The following LYPLAL1 variants were observed in gnomAD, a reference collection of about 807,000 sequenced individuals.
LYPLAL1 encodes lysophospholipase like 1, also known as lysophospholipase-like protein 1.
In LYPLAL1, 23 loss-of-function variants were observed where a neutral mutation model predicts 19.7. That is an observed-to-expected ratio of 1.17 (90% CI 0.84 to 1.65). The LOEUF is 1.65. Ranked by LOEUF, LYPLAL1 falls within the 40% of genes most tolerant of loss-of-function variation. The probability of loss-of-function intolerance (pLI) is 0.00; values close to 1 mark genes in which losing one functional copy is unlikely to be tolerated. For synonymous variants in LYPLAL1, 119 were observed against 96.3 expected, an observed-to-expected ratio of 1.24 and a Z score of -1.38; for missense variants, 355 against 279.4, an observed-to-expected ratio of 1.27 and a Z score of -1.93.
the LYPLAL1 span, among the ~76,000 whole-genome samples, chr1:219,332,528 A>T: frequency 4.6e-5 from 7 of 152,092 alleles, no homozygotes; most frequent in Non-Finnish European, 8.8e-5. Flanking sequence ...GTAGTTTTAT[A>T]TGCAGCAATA....
At chr1:219,231,440 T>A in the LYPLAL1 span, among the ~76,000 whole-genome samples, 1 of 152,142 alleles carries the variant, frequency 6.6e-6, no homozygotes, top group Admixed American at 6.5e-5. Context: ...GAGTTTACCT[T>A]GATATATAAA....
chr1:219,239,684 C>T, the LYPLAL1 span, among the ~76,000 whole-genome samples: 1 of 152,160 alleles, frequency 6.6e-6, no homozygotes, highest in Admixed American at 6.5e-5. Context: ...AATATAAACT[C>T]CTGACAAGTA....
At chr1:219,435,567 A>G in the LYPLAL1 span, among the ~76,000 whole-genome samples, 34 of 152,172 alleles carry the variant, frequency 2.2e-4, 1 homozygote, top group East Asian at 6.6e-3. Context: ...TCATGCCTGT[A>G]ATCAATCCCA....
At chr1:219,307,405 AG>A in the LYPLAL1 span, among the ~76,000 whole-genome samples, 32 of 152,336 alleles carry the variant, frequency 2.1e-4, no homozygotes, top group African/African-American at 7.7e-4. Context: ...CAACTAGAAG[AG>A]AGCTGATTAG....
At chr1:219,323,661 G>A in the LYPLAL1 span, among the ~76,000 whole-genome samples, 31 of 152,226 alleles carry the variant, frequency 2.0e-4, no homozygotes, top group Non-Finnish European at 5.9e-5. Context: ...CCATAGAGCT[G>A]GCATTTGTTC....
At chr1:219,367,930 A>T in the LYPLAL1 span, among the ~76,000 whole-genome samples, 1 of 139,282 alleles carries the variant, frequency 7.2e-6, no homozygotes, top group Non-Finnish European at 1.5e-5. Context: ...CCTCGACTTG[A>T]TCTATGGCTT....
At chr1:219,178,238 CA>C (rs1009376017) in intron 1 of LYPLAL1, among the ~76,000 whole-genome samples, 31 of 152,112 alleles carry the variant, frequency 2.0e-4, no homozygotes, top group African/African-American at 7.5e-4. Flanking sequence ...TTTGCAACAC[CA>C]AGTGTCTCAT....
the LYPLAL1 span, among the ~76,000 whole-genome samples, chr1:219,383,320 T>C: frequency 6.6e-6 from 1 of 152,260 alleles, no homozygotes; most frequent in Non-Finnish European, 1.5e-5. Context: ...TGAGTTGATA[T>C]TTCAAAGCTT....
the LYPLAL1 span, among the ~76,000 whole-genome samples, chr1:219,347,384 G>C: frequency 6.6e-6 from 1 of 152,132 alleles, no homozygotes. Context: ...TTAAAAAGTA[G>C]TCTTGATACA....
the LYPLAL1 span, among the ~76,000 whole-genome samples, chr1:219,233,251 A>G: frequency 2.6e-5 from 4 of 152,210 alleles, no homozygotes; most frequent in African/African-American, 9.6e-5. Flanking sequence ...TAAGTGAAAC[A>G]AGACAGTCAC....
chr1:219,210,468 TTA>T (rs1273669073), intron 3 of LYPLAL1, 62 bp from the exon 4 acceptor site: 1 of 1,096,048 alleles, frequency 9.1e-7, no homozygotes, highest in South Asian at 1.5e-5. Flanking sequence ...TGGAAAATTG[TTA>T]TATATCATAT....
At chr1:219,440,428 C>T in the LYPLAL1 span, among the ~76,000 whole-genome samples, 9 of 152,038 alleles carry the variant, frequency 5.9e-5, no homozygotes, top group South Asian at 1.9e-3. Flanking sequence ...ACAAAATGAG[C>T]CTGGATCTTC....
At chr1:219,316,237 G>A in the LYPLAL1 span, among the ~76,000 whole-genome samples, 1 of 152,020 alleles carries the variant, frequency 6.6e-6, no homozygotes, top group Non-Finnish European at 1.5e-5. Context: ...TGTTAATGTG[G>A]TATATTACAT....
At chr1:219,411,701 C>T in the LYPLAL1 span, 95 of 153,578 alleles carry the variant, frequency 6.2e-4, 3 homozygotes, top group South Asian at 0.019. Flanking sequence ...GCTGCTTTTA[C>T]GAGCTGTAAC....
the LYPLAL1 span, among the ~76,000 whole-genome samples, chr1:219,378,761 T>G: frequency 2.6e-5 from 4 of 152,020 alleles, no homozygotes; most frequent in Non-Finnish European, 5.9e-5. Context: ...AAGGGCCTTT[T>G]GGTCAGCAGA....
chr1:219,213,222 A>G (rs1659166016), downstream of LYPLAL1, among the ~76,000 whole-genome samples: 1 of 152,038 alleles, frequency 6.6e-6, no homozygotes, highest in African/African-American at 2.4e-5. Context: ...GTCAAAATTC[A>G]GCTAGATCTT....
the LYPLAL1 span, among the ~76,000 whole-genome samples, chr1:219,234,726 T>C: frequency 6.6e-6 from 1 of 152,148 alleles, no homozygotes; most frequent in African/African-American, 2.4e-5. Context: ...TTTTGAAATA[T>C]CTTTTATATA....
the LYPLAL1 span, among the ~76,000 whole-genome samples, chr1:219,324,974 A>G: frequency 6.6e-6 from 1 of 152,148 alleles, no homozygotes; most frequent in African/African-American, 2.4e-5. Flanking sequence ...TGCACACAGG[A>G]GATCTGTGTG....
At chr1:219,203,210 G>C (rs1182023618) in intron 3 of LYPLAL1, among the ~76,000 whole-genome samples, 1 of 151,822 alleles carries the variant, frequency 6.6e-6, no homozygotes, top group Non-Finnish European at 1.5e-5. Context: ...ACTACTCTCT[G>C]TATTTGATGT....
Sources: gnomAD v4.1 joint callset for allele counts (sites outside exome capture counted in the v4.1 genomes callset) on GRCh38, gnomAD v4.1.1 for gene constraint, MANE v1.5 for transcripts, NCBI Gene and HGNC (gene_info 2026-07-23, HGNC 2026-07-21) for gene names.